The following ANKRD44 variants were observed in gnomAD, a reference collection of about 807,000 sequenced individuals.
ANKRD44 encodes ankyrin repeat domain 44.
A neutral mutation model predicts 116.0 loss-of-function variants in ANKRD44; 35 were observed. The ratio of observed to expected loss-of-function variants is 0.30; its 90% CI spans 0.23 to 0.40. The LOEUF is 0.40. Ranked by LOEUF, ANKRD44 falls within the 10% of genes least tolerant of loss-of-function variation. The pLI, the probability that ANKRD44 is intolerant of heterozygous loss-of-function variation, is 1.00. For synonymous variants in ANKRD44, 435 were observed against 461.8 expected (o/e 0.94, Z 0.74); for missense variants, 1,014 against 1,242.6 (o/e 0.82, Z 2.77).
At position 197,196,660 on chromosome 2, in the gene ANKRD44, T is replaced by C. The variant is rs147355853; in HGVS notation, c.28-9554A>G. Among the ~76,000 whole-genome samples, 199 of 152,336 alleles carry C rather than the reference T, an allele frequency of 1.3e-3. 1 individual carries two copies. The highest frequency in any genetic ancestry group is 4.7e-3 in the African/African-American group (195 of 41,566). On this transcript the variant is annotated intron_variant, in intron 1 of 27. Coordinates refer to ENST00000282272, the MANE Select transcript of ANKRD44 (RefSeq NM_001195144.2). ...CTGGAACTACTGTATACAAGATATATGGATTAACTCAGTCACATTAAATCA... is the reference window on the plus strand; with the variant it reads ...CTGGAACTACTGTATACAAGATATACGGATTAACTCAGTCACATTAAATCA...
At chr2:197,131,610 C>G (rs2079099338) in intron 4 of ANKRD44, among the ~76,000 whole-genome samples, 1 of 151,784 alleles carries the variant, frequency 6.6e-6, no homozygotes, top group Non-Finnish European at 1.5e-5. Context: ...AAGACAGTCT[C>G]TAGAATGGAG....
rs773191161 is a variant in ANKRD44 at position 197,278,396 on chromosome 2, GC to G, written c.27+32181del. 1.0e-3 allele frequency among the ~76,000 whole-genome samples: 158 copies of G among 151,904 alleles called. 1 individual carries two copies. Among genetic ancestry groups the G allele is most frequent in the Middle Eastern group, 3.4e-3 (1 of 294 alleles). Reference sequence around the variant, plus strand: ...TGTTTTGACAGAGTCTTGCTCTGTCGCCCAGGCTGGAGTGCAGTGGTGTGAT... The same window carrying G: ...TGTTTTGACAGAGTCTTGCTCTGTCGCCAGGCTGGAGTGCAGTGGTGTGAT... On this transcript the variant is annotated intron_variant, in intron 1 of 27. Coordinates refer to ENST00000282272, the MANE Select transcript of ANKRD44 (RefSeq NM_001195144.2).
intron 16 of ANKRD44, among the ~76,000 whole-genome samples, chr2:197,061,213 T>C (rs966856069): frequency 3.9e-5 from 6 of 152,136 alleles, no homozygotes; most frequent in Non-Finnish European, 5.9e-5. Context: ...AGCTAGGTAA[T>C]TGTGGGGCTG....
chr2:197,136,408 A>C, intron 4 of ANKRD44, 184 bp downstream of exon 4: 1 of 621,562 alleles, frequency 1.6e-6, no homozygotes, highest in South Asian at 1.9e-5. Flanking sequence ...GATACTCCCC[A>C]GCCCCACTCA....
chr2:197,175,919 C>T (rs1534462), intron 2 of ANKRD44, among the ~76,000 whole-genome samples: 7,727 of 152,174 alleles, frequency 0.051, 630 homozygotes, highest in African/African-American at 0.18. Context: ...ATAATAGGAA[C>T]CCTGATTTTT....
chr2:197,035,642 T>A (rs1235583500), intron 16 of ANKRD44, among the ~76,000 whole-genome samples: 2 of 152,156 alleles, frequency 1.3e-5, no homozygotes, highest in Non-Finnish European at 2.9e-5. Context: ...CCAGGGCCCC[T>A]GGAAAGTTGG....
chr2:197,016,808 C>T (rs1056479110), intron 17 of ANKRD44, among the ~76,000 whole-genome samples: 4 of 152,108 alleles, frequency 2.6e-5, no homozygotes, highest in East Asian at 1.9e-4. Context: ...TTATGTCACT[C>T]GCACTTTTTA....
At chr2:197,084,467 C>T (rs2077873375) in intron 13 of ANKRD44, among the ~76,000 whole-genome samples, 1 of 152,166 alleles carries the variant, frequency 6.6e-6, no homozygotes, top group Non-Finnish European at 1.5e-5. Context: ...GTCTCATCCT[C>T]CCCACTGAAC....
At chr2:197,000,981 T>A (rs2076103674) in intron 22 of ANKRD44, among the ~76,000 whole-genome samples, 1 of 152,232 alleles carries the variant, frequency 6.6e-6, no homozygotes, top group African/African-American at 2.4e-5. Context: ...GAGGTTGCAG[T>A]GAGCCGAGAT....
At chr2:197,197,369 C>T (rs945794267) in intron 1 of ANKRD44, among the ~76,000 whole-genome samples, 25 of 152,280 alleles carry the variant, frequency 1.6e-4, no homozygotes, top group Non-Finnish European at 3.1e-4. Context: ...CAACCCAGTG[C>T]GTAGCTCCTT....
chr2:197,181,970 T>A (rs2080517659), intron 2 of ANKRD44, among the ~76,000 whole-genome samples: 1 of 152,178 alleles, frequency 6.6e-6, no homozygotes, highest in Non-Finnish European at 1.5e-5. Flanking sequence ...TCCCTCCCCA[T>A]CATCATCATT....
intron 1 of ANKRD44, among the ~76,000 whole-genome samples, chr2:197,270,177 G>T (rs2082857376): frequency 6.6e-6 from 1 of 152,128 alleles, no homozygotes; most frequent in Non-Finnish European, 1.5e-5. Flanking sequence ...GAACAGATGT[G>T]TGGCTGGAGC....
At chr2:196,978,982 G>T (rs563475894) in intron 21 of ANKRD44, among the ~76,000 whole-genome samples, 50 of 151,778 alleles carry the variant, frequency 3.3e-4, no homozygotes, top group African/African-American at 1.1e-3. Flanking sequence ...TAGCATAGTC[G>T]TAAAGATTAT....
At chr2:197,038,629 C>A (rs1489411066) in intron 16 of ANKRD44, among the ~76,000 whole-genome samples, 3 of 152,136 alleles carry the variant, frequency 2.0e-5, no homozygotes, top group African/African-American at 7.2e-5. Context: ...AGGTGAGACA[C>A]CAGTAAAAGA....
intron 27 of ANKRD44, chr2:196,989,958 C>T: frequency 9.5e-7 from 1 of 1,054,052 alleles, no homozygotes; most frequent in Non-Finnish European, 1.1e-6. Flanking sequence ...ATATAATTTT[C>T]ACCTGAAATG....
intron 8 of ANKRD44, among the ~76,000 whole-genome samples, chr2:197,120,236 C>T (rs1401909159): frequency 1.3e-5 from 2 of 152,216 alleles, no homozygotes; most frequent in East Asian, 3.8e-4. Context: ...CATCTTAGAG[C>T]ACTCTTTCAG....
intron 9 of ANKRD44, among the ~76,000 whole-genome samples, chr2:197,104,135 T>C (rs2078370795): frequency 6.6e-6 from 1 of 152,170 alleles, no homozygotes. Flanking sequence ...TTTTTCTTTT[T>C]CCTGAGACAA....
chr2:197,156,599 G>A (rs1417729892), intron 2 of ANKRD44, among the ~76,000 whole-genome samples: 1 of 152,136 alleles, frequency 6.6e-6, no homozygotes, highest in Non-Finnish European at 1.5e-5. Flanking sequence ...TCGTACCCTT[G>A]GGTATTTACT....
intron 21 of ANKRD44, among the ~76,000 whole-genome samples, chr2:196,979,632 C>T (rs55765949): frequency 7.2e-6 from 1 of 138,500 alleles, no homozygotes; most frequent in Non-Finnish European, 1.5e-5. Context: ...GATGCAATCT[C>T]GGCTCACCAC....
Sources: allele counts gnomAD v4.1 joint callset (sites outside exome capture counted in the v4.1 genomes callset), GRCh38; gene constraint gnomAD v4.1.1; transcripts MANE v1.5; gene names NCBI Gene and HGNC (gene_info 2026-07-23, HGNC 2026-07-21).